DIS3L2: variants seen among roughly 807,000 people sequenced by gnomAD.
The protein encoded by DIS3L2 is DIS3-like exonuclease 2.
A neutral mutation model predicts 97.5 loss-of-function variants in DIS3L2; 34 were observed. That is an observed-to-expected ratio of 0.35 (90% CI 0.27 to 0.46). DIS3L2 has a LOEUF of 0.46. DIS3L2 is among the 20% of genes least tolerant of loss of function. The pLI is 1.00. For synonymous variants in DIS3L2, 435 were observed against 445.2 expected (o/e 0.98, Z 0.29); for missense variants, 1,038 against 1,146.0 (o/e 0.91, Z 1.36).
chr2:232,077,894 CAG>C (rs1335620304), intron 5 of DIS3L2, among the ~76,000 whole-genome samples: 1 of 152,178 alleles, frequency 6.6e-6, no homozygotes, highest in African/African-American at 2.4e-5. Context: ...CCTTCAGCAC[CAG>C]GCCCTTTACT....
chr2:232,329,790 C>CGGGG (rs2106347746), intron 14 of DIS3L2, 23 bp from the exon 15 acceptor site: 25 of 315,300 alleles, frequency 7.9e-5, no homozygotes, highest in Non-Finnish European at 1.1e-4. Flanking sequence ...AGCGGTCCCT[C>CGGGG]CCATCCCACC....
At chr2:232,036,994 CA>C (rs1204759754) in intron 5 of DIS3L2, among the ~76,000 whole-genome samples, 1 of 152,192 alleles carries the variant, frequency 6.6e-6, no homozygotes, top group African/African-American at 2.4e-5. Flanking sequence ...TCAGGAGGCA[CA>C]GGGGTCAGGG....
At chr2:232,205,520 T>C (rs761988022) in intron 9 of DIS3L2, among the ~76,000 whole-genome samples, 2 of 152,080 alleles carry the variant, frequency 1.3e-5, no homozygotes, top group Non-Finnish European at 2.9e-5. Flanking sequence ...CAGGCTGGTC[T>C]TGAACTCCTG....
intron 5 of DIS3L2, among the ~76,000 whole-genome samples, chr2:232,068,474 T>A (rs1258810868): frequency 6.6e-6 from 1 of 150,898 alleles, no homozygotes; most frequent in Non-Finnish European, 1.5e-5. Context: ...CCCAGCTACT[T>A]GGGAAGCTGA....
At chr2:232,229,668 A>G (rs1692740344) in intron 10 of DIS3L2, among the ~76,000 whole-genome samples, 1 of 152,246 alleles carries the variant, frequency 6.6e-6, no homozygotes, top group Non-Finnish European at 1.5e-5. Flanking sequence ...TGCTGTTCAT[A>G]TAAATTTAAA....
At chr2:232,327,520 T>C (rs1695611834) in intron 14 of DIS3L2, among the ~76,000 whole-genome samples, 1 of 152,258 alleles carries the variant, frequency 6.6e-6, no homozygotes, top group Non-Finnish European at 1.5e-5. Context: ...ATCTGAAGTA[T>C]TTCCGTGCTG....
chr2:232,188,346 G>A (rs1691505718), intron 9 of DIS3L2, among the ~76,000 whole-genome samples: 2 of 152,174 alleles, frequency 1.3e-5, no homozygotes, highest in South Asian at 2.1e-4. Flanking sequence ...CTTGTGAATT[G>A]TATGCTATAA....
chr2:232,064,343 T>C (rs1201916811), intron 5 of DIS3L2, among the ~76,000 whole-genome samples: 1 of 152,212 alleles, frequency 6.6e-6, no homozygotes, highest in Non-Finnish European at 1.5e-5. Context: ...TTTTTTCTAT[T>C]AGCGTGCGCA....
chr2:232,186,473 C>A (rs1691437390), intron 9 of DIS3L2, among the ~76,000 whole-genome samples: 1 of 152,098 alleles, frequency 6.6e-6, no homozygotes, highest in South Asian at 2.1e-4. Flanking sequence ...TTCTAGAAAA[C>A]ATTTAAAGAA....
At chr2:232,095,997 TTTTC>T (rs959530818) in intron 6 of DIS3L2, among the ~76,000 whole-genome samples, 12 of 152,004 alleles carry the variant, frequency 7.9e-5, no homozygotes, top group East Asian at 7.7e-4. Flanking sequence ...TCTTCTTTTC[TTTTC>T]TTTCTTTCTT....
intron 9 of DIS3L2, among the ~76,000 whole-genome samples, chr2:232,181,619 C>T (rs57358736): frequency 0.12 from 18,516 of 151,866 alleles, 1,640 homozygotes; most frequent in South Asian, 0.36. Context: ...CCACCATGCC[C>T]GGCTATTTTT....
At chr2:232,091,622 G>A (rs979348070) in intron 6 of DIS3L2, among the ~76,000 whole-genome samples, 10 of 152,178 alleles carry the variant, frequency 6.6e-5, no homozygotes, top group African/African-American at 2.4e-4. Context: ...ACATGGGAGT[G>A]CAGATATCTC....
At chr2:232,166,553 T>G (rs1343192613) in intron 9 of DIS3L2, among the ~76,000 whole-genome samples, 1 of 152,008 alleles carries the variant, frequency 6.6e-6, no homozygotes, top group Non-Finnish European at 1.5e-5. Context: ...TCATCTCTAC[T>G]AAAAATACAA....
chr2:231,988,236 C>T (rs1281921179), intron 1 of DIS3L2, among the ~76,000 whole-genome samples: 3 of 152,164 alleles, frequency 2.0e-5, no homozygotes, highest in Admixed American at 6.5e-5. Flanking sequence ...GTGGTTTTTA[C>T]GTGGAAAATC....
intron 5 of DIS3L2, among the ~76,000 whole-genome samples, chr2:232,042,647 G>A (rs1171130072): frequency 6.6e-6 from 1 of 152,084 alleles, no homozygotes; most frequent in African/African-American, 2.4e-5. Context: ...AATACTTCAG[G>A]TTCTTGCCTG....
At position 232,210,457 on chromosome 2, in the gene DIS3L2, G is replaced by C. The variant is rs147795984; in HGVS notation, c.1204+52G>C. 106 of 1,527,064 alleles carry C rather than the reference G, an allele frequency of 6.9e-5. No homozygotes were observed. In the African/African-American group the frequency reaches 1.2e-3, roughly 17 times the overall value. The allele number at this position is 1,527,064 out of a possible 1,614,324, so 94.6% of individuals were successfully genotyped here. ...TGGGTAGCAGGCAGTCTGCATGCCT[G>C]TGTGGTTAGCCTGGCTGCCCTGTGC... On this transcript the variant is annotated intron_variant, in intron 10 of 20. Transcript: ENST00000325385.
At position 232,024,349 on chromosome 2, in the gene DIS3L2, T is replaced by C; in HGVS notation, c.264+19T>C. 1 of 1,560,028 alleles carries C rather than the reference T, an allele frequency of 6.4e-7. No homozygotes were observed. The highest frequency in any genetic ancestry group is 1.7e-4 in the Middle Eastern group (1 of 5,936). ...TTCCCCGGTAAGTTCAATAAATTTA[T>C]AATAAACTTTATGTCACATTTAATT... is the stretch of plus-strand genomic sequence containing the variant. On this transcript the variant is annotated intron_variant, in intron 4 of 20. Transcript: ENST00000325385.
chr2:232,108,628 C>T (rs1697430091), intron 6 of DIS3L2, among the ~76,000 whole-genome samples: 1 of 152,208 alleles, frequency 6.6e-6, no homozygotes, highest in African/African-American at 2.4e-5. Context: ...GTTTGCATTG[C>T]AGATGACATG....
chr2:232,275,134 C>T (rs1474501751), intron 13 of DIS3L2, among the ~76,000 whole-genome samples: 1 of 152,190 alleles, frequency 6.6e-6, no homozygotes, highest in Admixed American at 6.5e-5. Context: ...CTCACTCCCT[C>T]TAGAAGCCTG....
Sources: allele counts gnomAD v4.1 joint callset (sites outside exome capture counted in the v4.1 genomes callset), GRCh38; gene constraint gnomAD v4.1.1; transcripts MANE v1.5; gene names NCBI Gene and HGNC (gene_info 2026-07-23, HGNC 2026-07-21).